RBM6: variants seen among roughly 807,000 people sequenced by gnomAD.
The protein encoded by RBM6 is RNA binding motif protein 6.
Under a neutral mutation model 140.4 loss-of-function variants are expected in RBM6, and 23 were observed. That is an observed-to-expected ratio of 0.16 (90% CI 0.12 to 0.23). RBM6 has a LOEUF of 0.23. RBM6 is among the 10% of genes least tolerant of loss of function. RBM6 has a pLI of 1.00. For missense variants in RBM6, 1,139 were observed against 1,386.7 expected (o/e 0.82, Z 2.84); for synonymous variants, 439 against 475.6 (o/e 0.92, Z 1.00).
intron 4 of RBM6, among the ~76,000 whole-genome samples, chr3:49,972,493 C>T (rs1293549867): frequency 1.3e-5 from 2 of 152,130 alleles, no homozygotes; most frequent in Non-Finnish European, 2.9e-5. Flanking sequence ...CATAAGGATG[C>T]AGTTTATTTA....
intron 16 of RBM6, 108 bp downstream of exon 16, chr3:50,065,234 T>C: frequency 3.9e-6 from 3 of 767,272 alleles, no homozygotes; most frequent in East Asian, 5.0e-5. Context: ...GTCTTTTACC[T>C]CACTATGTCT....
At chr3:50,062,194 G>A in intron 15 of RBM6, 86 bp downstream of exon 15, 2 of 1,463,950 alleles carry the variant, frequency 1.4e-6, no homozygotes, top group Non-Finnish European at 1.8e-6. Context: ...ATGTTTGCAA[G>A]TGTAAAGTAA....
At chr3:49,954,540 C>G (rs2083886945) in intron 1 of RBM6, among the ~76,000 whole-genome samples, 1 of 151,950 alleles carries the variant, frequency 6.6e-6, no homozygotes, top group African/African-American at 2.4e-5. Context: ...CTCAGCCTCC[C>G]AAAGTATTGG....
chr3:49,979,438 GTTTTTTTT>G, intron 5 of RBM6, among the ~76,000 whole-genome samples: 1 of 124,580 alleles, frequency 8.0e-6, no homozygotes, highest in East Asian at 2.3e-4. Context: ...TGCTTACTTT[GTTTTTTTT>G]TTTTTTTTTT....
intron 8 of RBM6, 34 bp downstream of exon 8, chr3:50,054,429 G>T: frequency 2.0e-6 from 3 of 1,534,094 alleles, no homozygotes; most frequent in Non-Finnish European, 2.7e-6. Flanking sequence ...TTTTTATCTC[G>T]TGCATTGAGC....
rs10663019 is a variant in RBM6 at position 50,061,560 on chromosome 3, C to CTTTTTTTTT, written c.2439+29_2439+37dup. 230 of 1,270,234 alleles carry CTTTTTTTTT rather than the reference C, an allele frequency of 1.8e-4. 2 individuals carry two copies. The highest frequency in any genetic ancestry group is 1.2e-3 in the South Asian group (61 of 50,842). 78.7% of individuals were successfully genotyped at this position (1,270,234 alleles called of 1,614,324 possible). ...CCCCAATACCCAGGTGAGTTTGGGG[C>CTTTTTTTTT]TTTTTTTTTTTTTTTTTTTTTTTTA... On this transcript the variant is annotated intron_variant, in intron 14 of 20. Coordinates refer to ENST00000266022, the MANE Select transcript of RBM6 (RefSeq NM_005777.3).
intron 6 of RBM6, among the ~76,000 whole-genome samples, chr3:50,027,341 GTATAA>G (rs1297330878): frequency 1.3e-5 from 2 of 152,058 alleles, no homozygotes; most frequent in Admixed American, 6.6e-5. Context: ...TGTAATTGAG[GTATAA>G]TCCACATAAC....
chr3:49,970,959 A>G (rs755251758), intron 3 of RBM6, among the ~76,000 whole-genome samples: 1 of 152,122 alleles, frequency 6.6e-6, no homozygotes, highest in Non-Finnish European at 1.5e-5. Context: ...GTGAAACCCC[A>G]TCTCTACTAA....
chr3:50,055,294 G>T (rs2089656748), intron 8 of RBM6, among the ~76,000 whole-genome samples: 1 of 152,208 alleles, frequency 6.6e-6, no homozygotes, highest in South Asian at 2.1e-4. Context: ...CACAGGTGTG[G>T]TGGCACATGC....
intron 2 of RBM6, among the ~76,000 whole-genome samples, chr3:49,965,664 C>T (rs1362533370): frequency 2.7e-5 from 4 of 149,382 alleles, no homozygotes; most frequent in African/African-American, 4.9e-5. Flanking sequence ...AGCGAGACTC[C>T]GTCTCAAAAA....
chr3:49,955,761 T>C (rs1559520742), intron 1 of RBM6, among the ~76,000 whole-genome samples: 1 of 151,664 alleles, frequency 6.6e-6, no homozygotes, highest in Non-Finnish European at 1.5e-5. Flanking sequence ...GAGAATCTCT[T>C]GAACTTGAGA....
chr3:50,032,599 C>T (rs960523136), intron 6 of RBM6, among the ~76,000 whole-genome samples: 5 of 151,776 alleles, frequency 3.3e-5, no homozygotes, highest in African/African-American at 1.2e-4. Flanking sequence ...TTTCCGGTTA[C>T]AGAACTCGTT....
chr3:50,059,863 C>T (rs1157287206), intron 11 of RBM6, 117 bp downstream of exon 11: 11 of 717,172 alleles, frequency 1.5e-5, no homozygotes, highest in African/African-American at 1.3e-4. Flanking sequence ...TGGACTGCTT[C>T]AGATAGGTGT....
chr3:49,947,262 A>AGG (rs71080561), intron 1 of RBM6, among the ~76,000 whole-genome samples: 52 of 60,004 alleles, frequency 8.7e-4, no homozygotes, highest in East Asian at 6.0e-3. Context: ...AAAAAAAAAA[A>AGG]GGGGGGGGGG....
intron 2 of RBM6, among the ~76,000 whole-genome samples, chr3:49,964,265 T>C (rs965678280): frequency 6.6e-6 from 1 of 152,192 alleles, no homozygotes; most frequent in East Asian, 1.9e-4. Flanking sequence ...TCTCATTCAT[T>C]GTTCTGAAGC....
intron 7 of RBM6, among the ~76,000 whole-genome samples, chr3:50,052,115 A>T (rs1374690393): frequency 6.6e-6 from 1 of 152,188 alleles, no homozygotes; most frequent in Non-Finnish European, 1.5e-5. Flanking sequence ...CCCAGGCTGG[A>T]TTGCAGTGGC....
chr3:50,032,701 A>AG (rs1491278993), intron 6 of RBM6, among the ~76,000 whole-genome samples: 1 of 151,172 alleles, frequency 6.6e-6, no homozygotes, highest in African/African-American at 2.4e-5. Flanking sequence ...AAATAGAGAC[A>AG]GGGGGCCGGG....
intron 4 of RBM6, among the ~76,000 whole-genome samples, chr3:49,974,906 C>G (rs867542082): frequency 6.6e-6 from 1 of 151,706 alleles, no homozygotes; most frequent in Non-Finnish European, 1.5e-5. Context: ...AGGCTGGTCT[C>G]GAACTCCTGA....
At chr3:50,030,120 A>G (rs1264145022) in intron 6 of RBM6, among the ~76,000 whole-genome samples, 1 of 151,670 alleles carries the variant, frequency 6.6e-6, no homozygotes, top group African/African-American at 2.4e-5. Flanking sequence ...TTACAAATAT[A>G]TATAAAAGCT....
Sources: allele counts gnomAD v4.1 joint callset (sites outside exome capture counted in the v4.1 genomes callset), GRCh38; gene constraint gnomAD v4.1.1; transcripts MANE v1.5; gene names NCBI Gene and HGNC (gene_info 2026-07-23, HGNC 2026-07-21).